Variants in ZNF827 observed in about 807,000 individuals in gnomAD.
The protein encoded by ZNF827 is zinc finger protein 827.
In ZNF827, 13 loss-of-function variants were observed where a neutral mutation model predicts 102.4. The observed-to-expected ratio is 0.13, with a 90% CI of 0.08 to 0.20. The LOEUF (loss-of-function observed/expected upper bound fraction) is 0.20, where lower values mean the gene tolerates loss of function less well. ZNF827 is among the 10% of genes least tolerant of loss of function. The pLI is 1.00. For missense variants in ZNF827, 1,103 were observed against 1,344.4 expected, an observed-to-expected ratio of 0.82 and a Z score of 2.81; for synonymous variants, 523 against 536.2, an observed-to-expected ratio of 0.98 and a Z score of 0.34.
rs771571310 is a variant in ZNF827, at chr4:145,779,338, C to A, written c.2521+36G>T. The A allele has an allele frequency of 5.0e-6, 8 of 1,605,042 alleles. No individual in the cohort carries two copies. In the Admixed American group the frequency reaches 1.2e-4, roughly 24 times the overall value. On this transcript the variant is annotated intron_variant, in intron 9 of 14. Transcript: ENST00000508784. The stretch of plus-strand genomic sequence containing the variant: ...GAGAGTAAAGAAGTTGGTGATGGAG[C>A]ATAGAGGGCTGACAGCCCAGGCCCT...
intron 8 of ZNF827, among the ~76,000 whole-genome samples, chr4:145,790,010 T>A (rs1484305649): frequency 6.6e-6 from 1 of 152,210 alleles, no homozygotes; most frequent in Non-Finnish European, 1.5e-5. Context: ...ATTATGTAAA[T>A]TTTAATCATA....
chr4:145,867,828 T>C (rs942034102), intron 5 of ZNF827, among the ~76,000 whole-genome samples: 7 of 152,220 alleles, frequency 4.6e-5, no homozygotes. Flanking sequence ...AAACTGGTGG[T>C]GTAGCCCTGT....
At chr4:145,770,344 AAAT>A (rs1185678538) in intron 11 of ZNF827, among the ~76,000 whole-genome samples, 130 of 57,462 alleles carry the variant, frequency 2.3e-3, no homozygotes, top group Non-Finnish European at 5.4e-3. Flanking sequence ...ATAAATAAAT[AAAT>A]AAAATAGATC....
At chr4:145,901,209 A>G (rs1166778958) in intron 2 of ZNF827, among the ~76,000 whole-genome samples, 1 of 152,228 alleles carries the variant, frequency 6.6e-6, no homozygotes, top group Non-Finnish European at 1.5e-5. Flanking sequence ...CACGATGGCA[A>G]TGTTTGTACC....
chr4:145,868,291 G>A (rs547013172), intron 5 of ZNF827, among the ~76,000 whole-genome samples: 7 of 152,290 alleles, frequency 4.6e-5, no homozygotes, highest in African/African-American at 1.7e-4. Flanking sequence ...CGCATCTAAG[G>A]GTCAGGGCTG....
chr4:145,873,152 G>A (rs907695339), intron 4 of ZNF827, among the ~76,000 whole-genome samples: 15 of 151,874 alleles, frequency 9.9e-5, no homozygotes, highest in African/African-American at 3.1e-4. Context: ...AGCCAGGATG[G>A]TCTCGGCTTC....
intron 7 of ZNF827, among the ~76,000 whole-genome samples, chr4:145,833,626 C>A (rs1744490424): frequency 6.6e-6 from 1 of 152,134 alleles, no homozygotes; most frequent in African/African-American, 2.4e-5. Flanking sequence ...AACCCCCAAT[C>A]CCTTATTTCT....
chr4:145,798,021 G>T (rs1217798319), intron 8 of ZNF827, among the ~76,000 whole-genome samples: 1 of 152,174 alleles, frequency 6.6e-6, no homozygotes, highest in Non-Finnish European at 1.5e-5. Context: ...AATGGATACA[G>T]AATCATCCTA....
At chr4:145,931,019 G>C (rs1753763099) in intron 1 of ZNF827, among the ~76,000 whole-genome samples, 1 of 152,172 alleles carries the variant, frequency 6.6e-6, no homozygotes, top group African/African-American at 2.4e-5. Flanking sequence ...GGGAATGACA[G>C]GAGTCATCAG....
Position 145,760,744 on chromosome 4 carries a change from T to A in ZNF827, c.*872A>T. The A allele has an allele frequency of 9.9e-7, 1 of 1,012,414 alleles. No individual in the cohort carries two copies. The highest frequency in any genetic ancestry group is 1.2e-6 in the Non-Finnish European group (1 of 838,810). The allele number at this position is 1,012,414 out of a possible 1,614,324, so 62.7% of individuals were successfully genotyped here. A position where few individuals can be genotyped will look rare whatever the true frequency, so the allele number is the denominator to read the frequency against. ...GGTTTTTTTTTTTTTTTTTGTCTTT[T>A]GTCTCTCTGTTTTTGGTACAGAACA... On this transcript the variant is annotated 3_prime_UTR_variant, in exon 15 of 15. Coordinates refer to ENST00000508784, the MANE Select transcript of ZNF827 (RefSeq NM_001306215.2).
chr4:145,811,547 A>C (rs898447203), intron 8 of ZNF827, among the ~76,000 whole-genome samples: 5 of 152,160 alleles, frequency 3.3e-5, no homozygotes, highest in African/African-American at 7.2e-5. Context: ...ACAGCTGTAG[A>C]ATGTTGTTTC....
intron 5 of ZNF827, among the ~76,000 whole-genome samples, chr4:145,853,672 G>GTA (rs1446411691): frequency 6.6e-6 from 1 of 152,106 alleles, no homozygotes; most frequent in East Asian, 1.9e-4. Context: ...GTGGCTGACT[G>GTA]TAGTCTGAAT....
rs869069442 is a variant in ZNF827 at position 145,878,602 on chromosome 4, CAGGAAAGGAAAGGAAAGGAA to C, written c.1747+7056_1747+7075del. Among the ~76,000 whole-genome samples, 98 of 63,520 alleles carry C rather than the reference CAGGAAAGGAAAGGAAAGGAA, an allele frequency of 1.5e-3. 1 individual carries two copies. Among genetic ancestry groups the C allele is most frequent in the African/African-American group, 5.3e-3 (84 of 15,808 alleles). 41.7% of individuals were successfully genotyped at this position (63,520 alleles called of 152,430 possible). A position where few individuals can be genotyped will look rare whatever the true frequency, so the allele number is the denominator to read the frequency against. On this transcript the variant is annotated intron_variant, in intron 4 of 14. Coordinates refer to ENST00000508784, the MANE Select transcript of ZNF827 (RefSeq NM_001306215.2). Reference sequence around the variant, plus strand: ...CAGGACAGGACAGGACAGGACAGGACAGGAAAGGAAAGGAAAGGAAAGGAAAGGAAAGGAAAGGAAAGGAA... The same window carrying C: ...CAGGACAGGACAGGACAGGACAGGACAGGAAAGGAAAGGAAAGGAAAGGAA...
intron 7 of ZNF827, among the ~76,000 whole-genome samples, chr4:145,825,317 C>T (rs1408347062): frequency 6.6e-6 from 1 of 152,184 alleles, no homozygotes; most frequent in Admixed American, 6.5e-5. Context: ...TGAGTCTGGA[C>T]CCTGTGTGCA....
chr4:145,870,558 G>T lies in ZNF827; in HGVS notation c.1748-80C>A, dbSNP rs1748597313. 7.2e-6 allele frequency: 9 copies of T among 1,246,726 alleles called. No homozygotes were observed. The South Asian group carries it at 9.3e-5, about 13-fold the overall frequency. The allele number at this position is 1,246,726 out of a possible 1,614,324, so 77.2% of individuals were successfully genotyped here. Reference sequence around the variant, plus strand: ...GCTGCCCTGGTACTTCACGAAGTATGGAATGCACAATCACACTGTGCTAAC... The same window carrying T: ...GCTGCCCTGGTACTTCACGAAGTATTGAATGCACAATCACACTGTGCTAAC... On this transcript the variant is annotated intron_variant, in intron 4 of 14. Coordinates refer to ENST00000508784, the MANE Select transcript of ZNF827 (RefSeq NM_001306215.2).
At position 145,855,817 on chromosome 4, in the gene ZNF827, C is replaced by T. The variant is rs185950514; in HGVS notation, c.1982-6256G>A. Among the ~76,000 whole-genome samples the T allele has an allele frequency of 2.6e-5, 4 of 152,310 alleles. No individual in the cohort carries two copies. The East Asian group carries it at 7.7e-4, about 29-fold the overall frequency. On this transcript the variant is annotated intron_variant, in intron 5 of 14. Transcript: ENST00000508784. ...CGGGCCCTGAAGCCATCCCCTCACCCTATGACTGGAGCTAGGTACCCAGTG... is the reference window on the plus strand; with the variant it reads ...CGGGCCCTGAAGCCATCCCCTCACCTTATGACTGGAGCTAGGTACCCAGTG...
intron 8 of ZNF827, among the ~76,000 whole-genome samples, chr4:145,821,208 C>T (rs1743113822): frequency 6.6e-6 from 1 of 152,124 alleles, no homozygotes; most frequent in South Asian, 2.1e-4. Flanking sequence ...AATAGCCTCC[C>T]ATTAGGTTTT....
chr4:145,926,119 C>T (rs943735653), intron 1 of ZNF827, among the ~76,000 whole-genome samples: 1 of 152,170 alleles, frequency 6.6e-6, no homozygotes, highest in Non-Finnish European at 1.5e-5. Flanking sequence ...ATGCTCTATT[C>T]GGTTCCACAA....
intron 3 of ZNF827, 80 bp downstream of exon 3, chr4:145,892,163 G>C: frequency 7.1e-7 from 1 of 1,410,220 alleles, no homozygotes; most frequent in Non-Finnish European, 9.4e-7. Context: ...CCTCGGCCAA[G>C]AAGCCTCCTG....
Sources: gnomAD v4.1 joint callset for allele counts (sites outside exome capture counted in the v4.1 genomes callset) on GRCh38, gnomAD v4.1.1 for gene constraint, MANE v1.5 for transcripts, NCBI Gene and HGNC (gene_info 2026-07-23, HGNC 2026-07-21) for gene names.